PKHD1: variants seen among roughly 807,000 people sequenced by gnomAD.
The protein encoded by PKHD1 is fibrocystin.
A neutral mutation model predicts 412.0 loss-of-function variants in PKHD1; 291 were observed. The observed-to-expected ratio is 0.71, with a 90% confidence interval of 0.64 to 0.78. The LOEUF (loss-of-function observed/expected upper bound fraction) is 0.78, where lower values mean the gene tolerates loss of function less well. Ranked by LOEUF, PKHD1 falls within the 30% of genes least tolerant of loss-of-function variation. The pLI, the probability that PKHD1 is intolerant of heterozygous loss-of-function variation, is 0.00. For missense variants in PKHD1, 4,825 were observed against 4,950.7 expected (o/e 0.97, Z 0.76); for synonymous variants, 1,777 against 1,821.5 (o/e 0.98, Z 0.62).
chr6:51,870,543 C>CACAGTTG lies in PKHD1; in HGVS notation c.7440_7446dup (p.Val2483GlnfsTer6). The CACAGTTG allele has an allele frequency of 6.2e-7, 1 of 1,612,258 alleles. No homozygotes were observed. Among genetic ancestry groups the CACAGTTG allele is most frequent in the Non-Finnish European group, 8.5e-7 (1 of 1,178,354 alleles). ...CAGTCTGAACAGGTTCTAATGGCCACACAGTTGATGAGATCAAAATTAACA... is the reference window on the plus strand; with the variant it reads ...CAGTCTGAACAGGTTCTAATGGCCACACAGTTGACAGTTGATGAGATCAAAATTAACA... On this transcript the variant is annotated frameshift_variant, in exon 47 of 67. Coordinates refer to ENST00000371117, the MANE Select transcript of PKHD1 (RefSeq NM_138694.4). LOFTEE classifies it high-confidence loss of function.
chr6:51,659,057 G>C lies in PKHD1; in HGVS notation c.11069C>G (p.Ala3690Gly), dbSNP rs1327561992. 1 of 1,613,498 alleles carries C rather than the reference G, an allele frequency of 6.2e-7. No homozygotes were observed. The highest frequency in any genetic ancestry group is 1.1e-5 in the South Asian group (1 of 91,072). The change falls in exon 61 of 67, where the codon GCT becomes GGT. Residue 3690 changes from alanine to glycine, a missense_variant. Transcript: ENST00000371117. ...CTGTTGAGCAGTGATGACTCGATGA[G>C]CCAAATTCTGTAATTTGTTACTTGA... The part of the protein sequence containing the change: ...SLSSNKLQNL[A>G]HRVITAQQTG...
chr6:52,066,714 A>T (rs975847034), intron 11 of PKHD1, among the ~76,000 whole-genome samples: 1 of 152,104 alleles, frequency 6.6e-6, no homozygotes, highest in Non-Finnish European at 1.5e-5. Flanking sequence ...AACATGACCA[A>T]TATGGTGAAA....
chr6:51,698,988 T>C (rs919454583), intron 60 of PKHD1, among the ~76,000 whole-genome samples: 2 of 152,236 alleles, frequency 1.3e-5, no homozygotes, highest in African/African-American at 2.4e-5. Flanking sequence ...TCAAAACCCA[T>C]GGTCTCCAGT....
At chr6:51,825,910 A>G (rs1270369963) in intron 52 of PKHD1, among the ~76,000 whole-genome samples, 2 of 151,896 alleles carry the variant, frequency 1.3e-5, no homozygotes, top group African/African-American at 2.4e-5. Flanking sequence ...CAAAAGGTAC[A>G]AGACCAAAAT....
intron 60 of PKHD1, among the ~76,000 whole-genome samples, chr6:51,683,565 G>A (rs950228551): frequency 3.3e-5 from 5 of 152,010 alleles, no homozygotes; most frequent in African/African-American, 1.2e-4. Flanking sequence ...GTGTACTATG[G>A]TCTGCATATA....
At chr6:51,762,169 C>T (rs1278037234) in intron 55 of PKHD1, among the ~76,000 whole-genome samples, 1 of 152,006 alleles carries the variant, frequency 6.6e-6, no homozygotes, top group Non-Finnish European at 1.5e-5. Context: ...TCACCACCAC[C>T]AATAGTCAAT....
chr6:51,949,281 C>T (rs536016167), intron 36 of PKHD1, among the ~76,000 whole-genome samples: 4 of 152,188 alleles, frequency 2.6e-5, no homozygotes, highest in Admixed American at 1.3e-4. Flanking sequence ...AATGGATAGT[C>T]GAGGAAGCCT....
intron 21 of PKHD1, 100 bp from the exon 22 acceptor site, chr6:52,050,395 C>A (rs1806625187): frequency 8.6e-7 from 1 of 1,168,014 alleles, no homozygotes; most frequent in Non-Finnish European, 1.3e-6. Flanking sequence ...GATCTCAGTA[C>A]ACACCTAAAG....
At chr6:51,639,932 A>C (rs1769124867) in intron 63 of PKHD1, among the ~76,000 whole-genome samples, 1 of 152,216 alleles carries the variant, frequency 6.6e-6, no homozygotes, top group African/African-American at 2.4e-5. Flanking sequence ...GTCTTTCTTC[A>C]TCAATTTTGC....
chr6:51,909,185 C>T (rs1367138093), intron 40 of PKHD1, 98 bp downstream of exon 40: 1 of 973,014 alleles, frequency 1.0e-6, no homozygotes, highest in Non-Finnish European at 1.7e-6. Context: ...CTCTAAATCC[C>T]TCAAATCCCA....
At chr6:51,872,322 A>C (rs776514978) in intron 46 of PKHD1, among the ~76,000 whole-genome samples, 3 of 152,328 alleles carry the variant, frequency 2.0e-5, no homozygotes, top group Admixed American at 6.5e-5. Flanking sequence ...AAATTGCAAA[A>C]CACCAGGGAC....
chr6:51,832,832 G>T (rs1768498927), intron 51 of PKHD1, among the ~76,000 whole-genome samples: 1 of 151,992 alleles, frequency 6.6e-6, no homozygotes, highest in South Asian at 2.1e-4. Context: ...TTTAATTAGA[G>T]ACCCAGGATA....
chr6:51,904,124 G>A, intron 41 of PKHD1, 82 bp from the exon 42 acceptor site: 1 of 916,784 alleles, frequency 1.1e-6, no homozygotes, highest in Middle Eastern at 2.2e-4. Flanking sequence ...ACTTCTTTGG[G>A]TGTGGGTTGT....
intron 35 of PKHD1, among the ~76,000 whole-genome samples, chr6:52,007,627 C>G (rs954392102): frequency 2.6e-5 from 4 of 152,160 alleles, no homozygotes; most frequent in African/African-American, 9.7e-5. Context: ...CATTGTGAAC[C>G]TTGCACTCTC....
At position 51,697,179 on chromosome 6, in the gene PKHD1, C is replaced by CAAAT. The variant is rs61327011; in HGVS notation, c.10157-37214_10157-37211dup. ...TGGGCAACAGAGTGAGACTCCGTCT[C>CAAAT]AAATAAATAAATAAATAAATAAATA... is the stretch of plus-strand genomic sequence containing the variant. On this transcript the variant is annotated intron_variant, in intron 60 of 66. Coordinates refer to ENST00000371117, the MANE Select transcript of PKHD1 (RefSeq NM_138694.4). 2.0e-3 allele frequency among the ~76,000 whole-genome samples: 295 copies of CAAAT among 150,774 alleles called. 1 individual carries two copies. The highest frequency in any genetic ancestry group is 6.9e-3 in the African/African-American group (283 of 40,832).
chr6:51,833,318 C>CT (rs927317324), intron 51 of PKHD1, among the ~76,000 whole-genome samples: 25 of 152,068 alleles, frequency 1.6e-4, no homozygotes, highest in African/African-American at 6.0e-4. Context: ...CAAATTAGGC[C>CT]TTAAGGTAGC....
At chr6:52,014,788 T>TGATG (rs1800305430) in intron 34 of PKHD1, among the ~76,000 whole-genome samples, 2 of 57,916 alleles carry the variant, frequency 3.5e-5, no homozygotes, top group African/African-American at 1.3e-4. Context: ...GATGGATGGA[T>TGATG]CATGGATGGA....
At chr6:51,796,941 G>A (rs1794713215) in intron 52 of PKHD1, among the ~76,000 whole-genome samples, 1 of 151,698 alleles carries the variant, frequency 6.6e-6, no homozygotes, top group African/African-American at 2.4e-5. Flanking sequence ...AGGCTCCTGA[G>A]TAGCTGGGAT....
intron 52 of PKHD1, among the ~76,000 whole-genome samples, chr6:51,825,414 T>C (rs1388401495): frequency 6.6e-6 from 1 of 152,108 alleles, no homozygotes; most frequent in Non-Finnish European, 1.5e-5. Flanking sequence ...CTTAGGCTAT[T>C]CTTTCTTGGA....
Sources: gnomAD v4.1 joint callset for allele counts (sites outside exome capture counted in the v4.1 genomes callset) on GRCh38, gnomAD v4.1.1 for gene constraint, MANE v1.5 for transcripts, NCBI Gene and HGNC (gene_info 2026-07-23, HGNC 2026-07-21) for gene names.